Variants in GAB1 observed in about 807,000 individuals in gnomAD.
GAB1 encodes the protein GRB2 associated binding protein 1, also known as GRB2-associated-binding protein 1.
A neutral mutation model predicts 66.5 loss-of-function variants in GAB1; 19 were observed. The observed-to-expected ratio is 0.29, with a 90% CI of 0.20 to 0.42. The LOEUF (loss-of-function observed/expected upper bound fraction) is 0.42. Ranked by LOEUF, GAB1 falls within the 10% of genes least tolerant of loss-of-function variation. GAB1 has a pLI of 1.00. For missense variants in GAB1, 732 were observed against 858.5 expected (o/e 0.85, Z 1.84); for synonymous variants, 294 against 301.4 (o/e 0.98, Z 0.25).
chr4:143,463,934 AGGTCT>A (rs1044888991), intron 8 of GAB1, among the ~76,000 whole-genome samples: 6 of 152,232 alleles, frequency 3.9e-5, no homozygotes, highest in Non-Finnish European at 8.8e-5. Flanking sequence ...TTATGCATGC[AGGTCT>A]TACAAATTTA....
intron 2 of GAB1, among the ~76,000 whole-genome samples, chr4:143,424,019 A>C (rs1733194805): frequency 6.6e-6 from 1 of 151,854 alleles, no homozygotes; most frequent in Non-Finnish European, 1.5e-5. Context: ...TTAATAAAAC[A>C]AAGTCAGACA....
intron 1 of GAB1, among the ~76,000 whole-genome samples, chr4:143,358,514 C>T (rs963722603): frequency 1.3e-5 from 2 of 152,148 alleles, no homozygotes; most frequent in African/African-American, 2.4e-5. Context: ...TCGTGATATG[C>T]GTTCAACATC....
At chr4:143,390,427 T>A (rs895436102) in intron 1 of GAB1, among the ~76,000 whole-genome samples, 1 of 151,956 alleles carries the variant, frequency 6.6e-6, no homozygotes, top group Non-Finnish European at 1.5e-5. Context: ...TGTTTTTTTT[T>A]TTTAGGAAGC....
intron 1 of GAB1, among the ~76,000 whole-genome samples, chr4:143,351,568 G>T (rs766925175): frequency 2.0e-4 from 30 of 152,198 alleles, no homozygotes; most frequent in Non-Finnish European, 2.8e-4. Flanking sequence ...CCTTTCGGCG[G>T]CAAGGCTGGA....
chr4:143,348,457 C>CTCAT (rs1165854245), intron 1 of GAB1, among the ~76,000 whole-genome samples: 1 of 152,232 alleles, frequency 6.6e-6, no homozygotes, highest in Non-Finnish European at 1.5e-5. Flanking sequence ...TTCTCTCTCT[C>CTCAT]TCATTCTCCA....
chr4:143,374,166 C>T (rs1483422559), intron 1 of GAB1, among the ~76,000 whole-genome samples: 1 of 151,940 alleles, frequency 6.6e-6, no homozygotes, highest in Non-Finnish European at 1.5e-5. Flanking sequence ...CTTGACTCCA[C>T]TCAAATGCCC....
intron 7 of GAB1, 61 bp from the exon 8 acceptor site, chr4:143,460,303 G>A (rs2149791480): frequency 6.7e-7 from 1 of 1,496,954 alleles, no homozygotes. Flanking sequence ...TTTTTATTTG[G>A]GGAATAATTT....
At chr4:143,349,784 T>C in intron 1 of GAB1, 1 of 1,591,454 alleles carries the variant, frequency 6.3e-7, no homozygotes, top group Non-Finnish European at 8.5e-7. Context: ...ACGAATGCCT[T>C]GAACCTCGTG....
At chr4:143,425,985 TAAAA>T (rs1353035655) in intron 2 of GAB1, 3 of 678,044 alleles carry the variant, frequency 4.4e-6, no homozygotes, top group Non-Finnish European at 7.5e-6. Flanking sequence ...AGTATCTAAA[TAAAA>T]AAAATTTTAA....
chr4:143,468,188 T>C (rs1354263664), intron 9 of GAB1, among the ~76,000 whole-genome samples: 9 of 150,198 alleles, frequency 6.0e-5, no homozygotes, highest in African/African-American at 2.0e-4. Flanking sequence ...TCATCTGTCA[T>C]GGAAGCATTA....
At chr4:143,401,302 TAATA>T (rs377055983) in intron 1 of GAB1, among the ~76,000 whole-genome samples, 53 of 152,338 alleles carry the variant, frequency 3.5e-4, no homozygotes, top group Admixed American at 9.8e-4. Context: ...CTGTTAGATC[TAATA>T]AATCATTCTG....
At chr4:143,416,782 A>G (rs1732714352) in intron 2 of GAB1, among the ~76,000 whole-genome samples, 1 of 152,062 alleles carries the variant, frequency 6.6e-6, no homozygotes, top group South Asian at 2.1e-4. Flanking sequence ...TCAAAAAACT[A>G]TATTAGATTA....
chr4:143,338,795 A>G (rs148256395), intron 1 of GAB1, among the ~76,000 whole-genome samples: 1 of 152,100 alleles, frequency 6.6e-6, no homozygotes, highest in East Asian at 1.9e-4. Context: ...AGAAGGCCCA[A>G]TTTAGGAAAA....
At chr4:143,415,811 T>C in intron 2 of GAB1, 40 bp downstream of exon 2, 3 of 1,388,254 alleles carry the variant, frequency 2.2e-6, no homozygotes, top group Non-Finnish European at 3.0e-6. Flanking sequence ...AATTCTTCTT[T>C]TCTGCTACAT....
chr4:143,427,240 G>T (rs1218532853), intron 2 of GAB1, among the ~76,000 whole-genome samples: 1 of 152,056 alleles, frequency 6.6e-6, no homozygotes, highest in Non-Finnish European at 1.5e-5. Flanking sequence ...TTATAATAAG[G>T]ATAAGGATGA....
Position 143,469,237 on chromosome 4 carries a change from A to G in GAB1, c.*48A>G. 6.3e-7 allele frequency: 1 copy of G among 1,587,082 alleles called. No homozygotes were observed. The highest frequency in any genetic ancestry group is 8.6e-7 in the Non-Finnish European group (1 of 1,160,256). On this transcript the variant is annotated 3_prime_UTR_variant, in exon 10 of 10. Transcript: ENST00000262994. ...AACAAAAGAAAACTGAATTGTAAAG[A>G]TAAATCCCTTTTGAAGAATGACTTG... is the stretch of plus-strand genomic sequence containing the variant.
Position 143,469,039 on chromosome 4 carries a change from C to T in GAB1, c.1935C>T (p.Ser645=), listed in dbSNP as rs1296464688. ...TTTTCTTTGTGTTTTAGCAAAAGAG[C>T]AGTGGCTCAGGCAGCAGTGTAGCAG... The part of the protein sequence containing the change: ...GKSTPPRKQK[S]SGSGSSVADE... The change falls in exon 10 of 10, where the codon AGC becomes AGT. Residue 645 remains serine (S), a synonymous_variant. Transcript: ENST00000262994. 1.2e-6 allele frequency: 2 copies of T among 1,613,316 alleles called. No individual in the cohort carries two copies. The highest frequency in any genetic ancestry group is 2.7e-5 in the African/African-American group (2 of 74,862).
intron 2 of GAB1, among the ~76,000 whole-genome samples, chr4:143,427,717 C>T (rs1733440486): frequency 6.6e-6 from 1 of 152,116 alleles, no homozygotes; most frequent in African/African-American, 2.4e-5. Flanking sequence ...ACAAAATTAC[C>T]TATCAGCAAA....
chr4:143,433,258 C>CT (rs1426530374), intron 2 of GAB1, among the ~76,000 whole-genome samples: 1 of 152,172 alleles, frequency 6.6e-6, no homozygotes, highest in African/African-American at 2.4e-5. Flanking sequence ...TTAGCCATGG[C>CT]TTTTTTAGAG....
Sources: allele counts gnomAD v4.1 joint callset (sites outside exome capture counted in the v4.1 genomes callset), GRCh38; gene constraint gnomAD v4.1.1; transcripts MANE v1.5; gene names NCBI Gene and HGNC (gene_info 2026-07-23, HGNC 2026-07-21).